MAD1L1: variants seen among roughly 807,000 people sequenced by gnomAD.
The protein encoded by MAD1L1 is mitotic arrest deficient 1 like 1.
Under a neutral mutation model 96.9 loss-of-function variants are expected in MAD1L1, and 95 were observed. The ratio of observed to expected loss-of-function variants is 0.98; its 90% confidence interval spans 0.83 to 1.16. The LOEUF (loss-of-function observed/expected upper bound fraction) is 1.16. MAD1L1 is among the 50% of genes most tolerant of loss of function. The pLI is 0.00. For missense variants in MAD1L1, 1,007 were observed against 954.4 expected (o/e 1.06, Z -0.73); for synonymous variants, 473 against 396.6 (o/e 1.19, Z -2.29).
chr7:1,978,795 G>C (rs1412491168), intron 15 of MAD1L1, among the ~76,000 whole-genome samples: 2 of 152,144 alleles, frequency 1.3e-5, no homozygotes, highest in South Asian at 4.2e-4. Flanking sequence ...TGAAGACGGA[G>C]AGCGCGTCGG....
At chr7:1,848,164 C>A in intron 18 of MAD1L1, 1 of 218,534 alleles carries the variant, frequency 4.6e-6, no homozygotes, top group Non-Finnish European at 9.2e-6. Flanking sequence ...CCTCCCTCAA[C>A]AACACTCACG....
chr7:2,052,017 A>G (rs1784201818), intron 12 of MAD1L1, among the ~76,000 whole-genome samples: 2 of 152,126 alleles, frequency 1.3e-5, no homozygotes, highest in South Asian at 4.1e-4. Flanking sequence ...GCAGGGAAAC[A>G]GCCAGGCGGA....
At chr7:1,982,014 C>A (rs990465227) in intron 14 of MAD1L1, among the ~76,000 whole-genome samples, 2 of 152,070 alleles carry the variant, frequency 1.3e-5, no homozygotes, top group African/African-American at 4.8e-5. Context: ...CGCCCCAGGC[C>A]CCCGACTCTC....
chr7:1,979,168 G>A (rs963653185), intron 15 of MAD1L1, among the ~76,000 whole-genome samples: 1 of 152,186 alleles, frequency 6.6e-6, no homozygotes, highest in Non-Finnish European at 1.5e-5. Context: ...AGAGGCTGCT[G>A]CCGCGGGGGG....
At chr7:1,931,295 G>A (rs147876316) in intron 17 of MAD1L1, among the ~76,000 whole-genome samples, 2,073 of 152,284 alleles carry the variant, frequency 0.014, 44 homozygotes, top group African/African-American at 0.047. Flanking sequence ...CACGTCAAGG[G>A]TCTGCTGACA....
chr7:1,980,010 T>C (rs1399980374), intron 15 of MAD1L1, among the ~76,000 whole-genome samples: 3 of 152,156 alleles, frequency 2.0e-5, no homozygotes, highest in Non-Finnish European at 4.4e-5. Context: ...GTGGATGGGA[T>C]GGGACTTACA....
intron 13 of MAD1L1, among the ~76,000 whole-genome samples, chr7:2,002,378 C>T (rs1186603740): frequency 1.3e-5 from 2 of 152,172 alleles, no homozygotes; most frequent in Non-Finnish European, 2.9e-5. Context: ...GAACCAAGGT[C>T]CATTCCTAAA....
At chr7:2,042,888 C>T (rs1288956589) in intron 12 of MAD1L1, among the ~76,000 whole-genome samples, 3 of 16,308 alleles carry the variant, frequency 1.8e-4, no homozygotes, top group South Asian at 1.7e-3. Context: ...CACATGTCCA[C>T]GTCCACGTCC....
chr7:2,211,348 G>T (rs1044934867), intron 10 of MAD1L1, among the ~76,000 whole-genome samples: 2 of 152,196 alleles, frequency 1.3e-5, no homozygotes, highest in Admixed American at 6.5e-5. Context: ...TGCCCAGGCA[G>T]GGCGCTCAGA....
At chr7:1,953,557 C>T (rs1311186107) in intron 16 of MAD1L1, among the ~76,000 whole-genome samples, 1 of 152,238 alleles carries the variant, frequency 6.6e-6, no homozygotes, top group East Asian at 1.9e-4. Flanking sequence ...CTTAATTACA[C>T]GCACACTGAG....
intron 18 of MAD1L1, among the ~76,000 whole-genome samples, chr7:1,818,007 C>T (rs1195944308): frequency 3.3e-5 from 5 of 152,080 alleles, no homozygotes; most frequent in Non-Finnish European, 7.4e-5. Context: ...CCTGTTTCTG[C>T]TGCCTTAGTA....
intron 10 of MAD1L1, among the ~76,000 whole-genome samples, chr7:2,150,820 C>T (rs936912566): frequency 6.6e-6 from 1 of 152,206 alleles, no homozygotes. Context: ...CCTTCCACGT[C>T]CCCCAGAGAG....
intron 12 of MAD1L1, among the ~76,000 whole-genome samples, chr7:2,043,557 G>T (rs948524319): frequency 6.6e-6 from 1 of 152,236 alleles, no homozygotes; most frequent in African/African-American, 2.4e-5. Flanking sequence ...GTGATGCCCG[G>T]GTACCGTGCC....
chr7:1,843,859 T>G (rs992677931), intron 18 of MAD1L1, among the ~76,000 whole-genome samples: 1 of 152,220 alleles, frequency 6.6e-6, no homozygotes, highest in African/African-American at 2.4e-5. Context: ...ATGATTTTAG[T>G]GAGGTTCAAA....
At chr7:2,184,123 G>C (rs1178088158) in intron 10 of MAD1L1, among the ~76,000 whole-genome samples, 1 of 151,882 alleles carries the variant, frequency 6.6e-6, no homozygotes, top group Non-Finnish European at 1.5e-5. Flanking sequence ...GTGGTGGCGG[G>C]CGCCTGTAGT....
intron 12 of MAD1L1, among the ~76,000 whole-genome samples, chr7:2,032,071 G>A (rs1461211308): frequency 6.6e-6 from 1 of 152,238 alleles, no homozygotes; most frequent in African/African-American, 2.4e-5. Flanking sequence ...CCAGTGCCCA[G>A]GGTGCCAGGC....
intron 12 of MAD1L1, among the ~76,000 whole-genome samples, chr7:2,032,762 A>G (rs943235647): frequency 3.3e-5 from 5 of 152,144 alleles, no homozygotes; most frequent in Non-Finnish European, 4.4e-5. Flanking sequence ...GCTCCTAGCA[A>G]GTGGTGAGGG....
intron 14 of MAD1L1, among the ~76,000 whole-genome samples, chr7:1,988,292 CGCT>C (rs1781252823): frequency 6.6e-6 from 1 of 152,202 alleles, no homozygotes; most frequent in South Asian, 2.1e-4. Flanking sequence ...GCAACTCTGC[CGCT>C]GCATCAGGCA....
intron 11 of MAD1L1, among the ~76,000 whole-genome samples, chr7:2,100,438 C>G (rs181121328): frequency 1.3e-5 from 2 of 152,358 alleles, no homozygotes. Flanking sequence ...CCAGACATTA[C>G]AATGCTGGTG....
Sources: allele counts gnomAD v4.1 joint callset (sites outside exome capture counted in the v4.1 genomes callset), GRCh38; gene constraint gnomAD v4.1.1; transcripts MANE v1.5; gene names NCBI Gene and HGNC (gene_info 2026-07-23, HGNC 2026-07-21).